Variants in ERC2 observed in about 807,000 individuals in gnomAD.
ERC2 encodes ELKS/RAB6-interacting/CAST family member 2.
A neutral mutation model predicts 114.8 loss-of-function variants in ERC2; 42 were observed. That is an observed-to-expected ratio of 0.37 (90% confidence interval 0.29 to 0.47). ERC2 has a LOEUF of 0.47. Among genes scored for constraint, ERC2 ranks in the 20% least tolerant of loss-of-function variants. The pLI is 0.99. For synonymous variants in ERC2, 454 were observed against 425.5 expected (o/e 1.07, Z -0.82); for missense variants, 939 against 1,150.7 (o/e 0.82, Z 2.66).
chr3:55,997,892 TTTTTTTTTTTTTTTTGTG>T (rs1559996401), intron 10 of ERC2, among the ~76,000 whole-genome samples: 83 of 53,404 alleles, frequency 1.6e-3, no homozygotes, highest in African/African-American at 4.8e-3. Context: ...TTTTTTTTTT[TTTTTTTTTTTTTTTTGTG>T]TGTGTGTGTG....
At chr3:55,985,911 C>A in intron 12 of ERC2, 66 bp downstream of exon 12, 2 of 1,393,022 alleles carry the variant, frequency 1.4e-6, no homozygotes, top group Non-Finnish European at 2.0e-6. Flanking sequence ...GTTTGTTAAA[C>A]AAGTGCAAGC....
At chr3:56,347,851 G>A (rs1219440659) in intron 2 of ERC2, among the ~76,000 whole-genome samples, 1 of 152,118 alleles carries the variant, frequency 6.6e-6, no homozygotes, top group East Asian at 1.9e-4. Context: ...CCTTAGTGTT[G>A]TCTTACTGCC....
At chr3:55,863,755 A>T (rs2062127187) in intron 14 of ERC2, among the ~76,000 whole-genome samples, 1 of 152,120 alleles carries the variant, frequency 6.6e-6, no homozygotes, top group South Asian at 2.1e-4. Context: ...TTTTTATTCA[A>T]CCCAAAGTAT....
Position 56,461,610 on chromosome 3 carries a change from C to T in ERC2, c.-141+6638G>A, listed in dbSNP as rs2063322313. ...CTCTACCACAGATGATATTAAGACA[C>T]AACCTGTGGAATAACAAAGGGATTT... On this transcript the variant is annotated intron_variant, in intron 1 of 17. Coordinates refer to ENST00000288221, the MANE Select transcript of ERC2 (RefSeq NM_015576.3). 3.3e-5 allele frequency among the ~76,000 whole-genome samples: 5 copies of T among 152,318 alleles called. No homozygotes were observed. In the South Asian group the frequency reaches 1.0e-3, roughly 32 times the overall value.
At chr3:56,183,495 G>T (rs1421338478) in intron 3 of ERC2, among the ~76,000 whole-genome samples, 1 of 152,168 alleles carries the variant, frequency 6.6e-6, no homozygotes, top group South Asian at 2.1e-4. Flanking sequence ...GTATCCTTAT[G>T]ACTGTTTTTG....
intron 13 of ERC2, among the ~76,000 whole-genome samples, chr3:55,896,483 C>G (rs540813198): frequency 2.7e-4 from 41 of 152,258 alleles, no homozygotes; most frequent in African/African-American, 9.6e-4. Context: ...AGAAAGCAAC[C>G]CATTTGTCTC....
chr3:56,317,455 A>G (rs1179238300), intron 2 of ERC2, among the ~76,000 whole-genome samples: 1 of 152,186 alleles, frequency 6.6e-6, no homozygotes, highest in Non-Finnish European at 1.5e-5. Flanking sequence ...CAGGGGGGCG[A>G]CGTAAATGGA....
intron 14 of ERC2, among the ~76,000 whole-genome samples, chr3:55,799,035 T>A (rs1024858818): frequency 2.0e-5 from 3 of 151,946 alleles, no homozygotes; most frequent in African/African-American, 7.3e-5. Flanking sequence ...GTACACAGAG[T>A]TAATGTGTGT....
At chr3:55,833,019 T>C (rs1168906203) in intron 14 of ERC2, among the ~76,000 whole-genome samples, 1 of 149,840 alleles carries the variant, frequency 6.7e-6, no homozygotes, top group Non-Finnish European at 1.5e-5. Flanking sequence ...TGATGGAAGA[T>C]GAAATGAATG....
intron 2 of ERC2, among the ~76,000 whole-genome samples, chr3:56,403,785 A>G (rs1202296471): frequency 6.6e-6 from 1 of 152,216 alleles, no homozygotes; most frequent in Non-Finnish European, 1.5e-5. Context: ...CTGTCATCAT[A>G]TGATCTGGAT....
At chr3:55,602,721 C>T (rs1424896074) in intron 17 of ERC2, among the ~76,000 whole-genome samples, 2 of 152,042 alleles carry the variant, frequency 1.3e-5, no homozygotes, top group Non-Finnish European at 2.9e-5. Flanking sequence ...CCTAACACAA[C>T]CTAACACCTA....
At chr3:55,747,324 G>A (rs962991571) in intron 14 of ERC2, among the ~76,000 whole-genome samples, 2 of 151,824 alleles carry the variant, frequency 1.3e-5, no homozygotes, top group Non-Finnish European at 2.9e-5. Context: ...TTTTAAAGAG[G>A]TCATTTAATG....
At chr3:55,650,902 G>A (rs1245282312) in intron 17 of ERC2, among the ~76,000 whole-genome samples, 1 of 150,910 alleles carries the variant, frequency 6.6e-6, no homozygotes, top group Non-Finnish European at 1.5e-5. Flanking sequence ...GCTGGAGTGC[G>A]GTGGCGCGAT....
At chr3:56,254,093 C>T (rs1319315425) in intron 3 of ERC2, among the ~76,000 whole-genome samples, 3 of 152,242 alleles carry the variant, frequency 2.0e-5, no homozygotes, top group Admixed American at 2.0e-4. Flanking sequence ...TGGGAGAGGG[C>T]TAGCGCCCAA....
At chr3:56,309,350 A>G (rs1225850322) in intron 2 of ERC2, among the ~76,000 whole-genome samples, 1 of 152,224 alleles carries the variant, frequency 6.6e-6, no homozygotes, top group Non-Finnish European at 1.5e-5. Context: ...AGCACTAAGA[A>G]CAGTATACAT....
chr3:56,003,680 TA>T (rs2072252738), intron 10 of ERC2, among the ~76,000 whole-genome samples: 1 of 152,060 alleles, frequency 6.6e-6, no homozygotes. Flanking sequence ...TGGATTAACT[TA>T]AATGGGAAAA....
chr3:55,724,490 C>T (rs958248619), intron 15 of ERC2, among the ~76,000 whole-genome samples: 1 of 152,186 alleles, frequency 6.6e-6, no homozygotes, highest in African/African-American at 2.4e-5. Flanking sequence ...TGGTTCCACC[C>T]CTTACCAGCT....
chr3:55,596,932 T>C (rs1183051268), intron 17 of ERC2, among the ~76,000 whole-genome samples: 1 of 152,136 alleles, frequency 6.6e-6, no homozygotes, highest in Non-Finnish European at 1.5e-5. Flanking sequence ...TTAATAGAGA[T>C]TTAGAAGATT....
chr3:55,590,079 A>G (rs186624027), intron 17 of ERC2, among the ~76,000 whole-genome samples: 14 of 152,302 alleles, frequency 9.2e-5, no homozygotes, highest in Admixed American at 7.2e-4. Context: ...ATTTTTTTGA[A>G]GGTGGCAACG....
Sources: gnomAD v4.1 joint callset for allele counts (sites outside exome capture counted in the v4.1 genomes callset) on GRCh38, gnomAD v4.1.1 for gene constraint, MANE v1.5 for transcripts, NCBI Gene and HGNC (gene_info 2026-07-23, HGNC 2026-07-21) for gene names.